The following NBEA variants were observed in gnomAD, a reference collection of about 807,000 sequenced individuals.
NBEA encodes lysosomal-trafficking regulator 2.
In NBEA, 44 loss-of-function variants were observed where a neutral mutation model predicts 343.4. The ratio of observed to expected loss-of-function variants is 0.13; its 90% CI spans 0.10 to 0.16. NBEA has a LOEUF of 0.16. Among genes scored for constraint, NBEA ranks in the 10% least tolerant of loss-of-function variants. NBEA has a pLI of 1.00. For synonymous variants in NBEA, 1,175 were observed against 1,238.7 expected, an observed-to-expected ratio of 0.95 and a Z score of 1.08; for missense variants, 2,555 against 3,631.3, an observed-to-expected ratio of 0.70 and a Z score of 7.62.
At chr13:35,010,737 A>ATAT (rs1251013430) in intron 1 of NBEA, among the ~76,000 whole-genome samples, 1 of 25,622 alleles carries the variant, frequency 3.9e-5, no homozygotes, top group African/African-American at 1.2e-4. Flanking sequence ...AAAAAAAAAA[A>ATAT]AAAAATATAT....
At chr13:35,281,353 A>G (rs1201744239) in intron 34 of NBEA, among the ~76,000 whole-genome samples, 2 of 152,088 alleles carry the variant, frequency 1.3e-5, no homozygotes, top group Non-Finnish European at 2.9e-5. Flanking sequence ...TTCGACTTGG[A>G]TTACATTTGA....
chr13:35,010,741 A>AAATAT (rs1555275017), intron 1 of NBEA, among the ~76,000 whole-genome samples: 11 of 31,954 alleles, frequency 3.4e-4, no homozygotes, highest in Admixed American at 9.8e-4. Context: ...AAAAAAAAAA[A>AAATAT]ATATATATAT....
intron 38 of NBEA, among the ~76,000 whole-genome samples, chr13:35,395,859 A>T (rs1056124214): frequency 6.6e-6 from 1 of 152,168 alleles, no homozygotes; most frequent in Non-Finnish European, 1.5e-5. Context: ...TTCTTCAATA[A>T]TTGAACTCTT....
intron 36 of NBEA, among the ~76,000 whole-genome samples, chr13:35,328,298 A>G (rs990731982): frequency 2.1e-4 from 32 of 152,018 alleles, no homozygotes; most frequent in African/African-American, 7.7e-4. Flanking sequence ...ACTTAGGGGT[A>G]TACTTTAAAA....
intron 45 of NBEA, among the ~76,000 whole-genome samples, chr13:35,581,914 A>AC (rs112438442): frequency 5.4e-4 from 78 of 145,034 alleles, no homozygotes; most frequent in African/African-American, 1.8e-3. Flanking sequence ...AGAAAAAAAA[A>AC]GAAAAATATA....
At chr13:35,573,799 A>C (rs2080570738) in intron 45 of NBEA, among the ~76,000 whole-genome samples, 1 of 152,188 alleles carries the variant, frequency 6.6e-6, no homozygotes, top group Admixed American at 6.5e-5. Context: ...AGGAAAAGAG[A>C]GCCTGCTTTA....
intron 39 of NBEA, among the ~76,000 whole-genome samples, chr13:35,450,310 CAA>C (rs578167924): frequency 4.7e-5 from 6 of 126,754 alleles, no homozygotes; most frequent in Admixed American, 8.1e-5. Flanking sequence ...CCCATCCCTA[CAA>C]AAAAAAAAAA....
chr13:35,162,895 A>G (rs1005016860), intron 23 of NBEA, among the ~76,000 whole-genome samples: 102 of 152,236 alleles, frequency 6.7e-4, no homozygotes, highest in African/African-American at 2.1e-3. Context: ...TGCCATAGAA[A>G]GATTTTACTT....
intron 38 of NBEA, among the ~76,000 whole-genome samples, chr13:35,417,188 CT>C (rs1372289043): frequency 6.6e-6 from 1 of 152,102 alleles, no homozygotes; most frequent in Non-Finnish European, 1.5e-5. Flanking sequence ...AAAAAACCAG[CT>C]CCTGGATTCA....
intron 13 of NBEA, among the ~76,000 whole-genome samples, chr13:35,114,208 A>G (rs561481063): frequency 3.9e-5 from 6 of 152,254 alleles, no homozygotes; most frequent in African/African-American, 1.4e-4. Flanking sequence ...CTATGTATAT[A>G]GGTACATCTC....
intron 1 of NBEA, among the ~76,000 whole-genome samples, chr13:35,013,190 G>A (rs543432495): frequency 3.3e-5 from 5 of 152,232 alleles, no homozygotes; most frequent in African/African-American, 1.2e-4. Context: ...GCTTCTCATA[G>A]AATGGTCAAC....
intron 34 of NBEA, among the ~76,000 whole-genome samples, chr13:35,274,828 A>G (rs2034458892): frequency 1.3e-5 from 2 of 152,248 alleles, no homozygotes; most frequent in African/African-American, 2.4e-5. Flanking sequence ...AAGGAGAACT[A>G]CAAACCACTG....
At chr13:35,539,330 A>C (rs1284666286) in intron 41 of NBEA, among the ~76,000 whole-genome samples, 1 of 152,190 alleles carries the variant, frequency 6.6e-6, no homozygotes, top group Non-Finnish European at 1.5e-5. Flanking sequence ...GGGATCTGCC[A>C]GTCAGAAGAA....
chr13:35,633,119 T>G (rs1178696627), intron 49 of NBEA, among the ~76,000 whole-genome samples: 1 of 151,706 alleles, frequency 6.6e-6, no homozygotes, highest in Non-Finnish European at 1.5e-5. Flanking sequence ...TTTGTTTGTT[T>G]TGAGACAGAG....
In NBEA at chr13:35,195,916, T is replaced by C. The variant is rs1243542648; in HGVS notation, c.4980T>C (p.Pro1660=). The C allele has an allele frequency of 1.2e-6, 2 of 1,612,648 alleles. No homozygotes were observed. Among genetic ancestry groups the C allele is most frequent in the African/African-American group, 2.7e-5 (2 of 74,840 alleles). ...TAAAAGAAAAAGAAACACCAACTCC[T>C]GGTGAAGATATTCAGGTAGAAAGTT... The part of the protein sequence containing the change: ...DTIKEKETPT[P]GEDIQVESSI... Residue 1660 remains proline (P), a synonymous_variant, in exon 31 of 59, where the codon CCT becomes CCC. Transcript: ENST00000379939.
chr13:35,019,813 CTT>C (rs1297080345), intron 1 of NBEA, among the ~76,000 whole-genome samples: 2 of 152,158 alleles, frequency 1.3e-5, no homozygotes, highest in South Asian at 2.1e-4. Context: ...ACAAGAATAA[CTT>C]ATCTCTTCAT....
chr13:35,195,965 A>G lies in NBEA; in HGVS notation c.5029A>G (p.Ile1677Val). The change falls in exon 31 of 59, where the codon ATT becomes GTT. Residue 1677 changes from isoleucine to valine, a missense_variant. By Grantham distance (29) the Ile-to-Val change is conservative. Around this residue, in one of 21 missense-constraint regions of NBEA, gnomAD observed 270 missense variants for 293.3 expected, o/e 0.92. Transcript: ENST00000379939. The stretch of plus-strand genomic sequence containing the variant: ...TTCAATTCCCCATACAGATTCAGGA[A>G]TTGGAGAGGAGCAAGTGGCTAGCAT... ...ESSIPHTDSG[I>V]GEEQVASILN... 6.2e-7 allele frequency: 1 copy of G among 1,613,652 alleles called. No individual in the cohort carries two copies. Among genetic ancestry groups the G allele is most frequent in the Non-Finnish European group, 8.5e-7 (1 of 1,179,702 alleles).
At chr13:35,479,676 T>C (rs796821346) in intron 41 of NBEA, among the ~76,000 whole-genome samples, 4 of 152,314 alleles carry the variant, frequency 2.6e-5, no homozygotes, top group African/African-American at 9.6e-5. Context: ...ATGTAGTACA[T>C]AGAGATGGCT....
chr13:35,392,709 G>T (rs921500003), intron 38 of NBEA, among the ~76,000 whole-genome samples: 7 of 152,116 alleles, frequency 4.6e-5, no homozygotes, highest in African/African-American at 1.7e-4. Flanking sequence ...CGGTACAAAT[G>T]GCAGATCAAA....
Sources: allele counts gnomAD v4.1 joint callset (sites outside exome capture counted in the v4.1 genomes callset), GRCh38; gene constraint gnomAD v4.1.1; regional missense constraint gnomAD v4.1.1; transcripts MANE v1.5; gene names NCBI Gene and HGNC (gene_info 2026-07-23, HGNC 2026-07-21).